IGF2R: variants seen among roughly 807,000 people sequenced by gnomAD.
The protein encoded by IGF2R is insulin like growth factor 2 receptor.
IGF2R carries 91 observed loss-of-function variants against 270.6 expected under a neutral mutation model. The ratio of observed to expected loss-of-function variants is 0.34; its 90% confidence interval spans 0.28 to 0.40. The LOEUF (loss-of-function observed/expected upper bound fraction) is 0.40, where lower values mean the gene tolerates loss of function less well. Ranked by LOEUF, IGF2R falls within the 10% of genes least tolerant of loss-of-function variation. The pLI, the probability that IGF2R is intolerant of heterozygous loss-of-function variation, is 1.00. For synonymous variants in IGF2R, 1,316 were observed against 1,258.9 expected, an observed-to-expected ratio of 1.05 and a Z score of -0.96; for missense variants, 2,805 against 3,188.3, an observed-to-expected ratio of 0.88 and a Z score of 2.90.
rs186553729 is a variant in IGF2R at position 160,030,946 on chromosome 6, A to G, written c.882+1291A>G. On this transcript the variant is annotated intron_variant, in intron 7 of 47. Transcript: ENST00000356956. ...TCAAGCAATCCTCCCACTTCAAGCA[A>G]TCCTCCCACTTCAGCCTTCTGAGTA... Among the ~76,000 whole-genome samples, 810 of 151,954 alleles carry G rather than the reference A, an allele frequency of 5.3e-3. 1 individual carries two copies. Among genetic ancestry groups the G allele is most frequent in the South Asian group, 9.3e-3 (45 of 4,816 alleles).
At position 160,050,493 on chromosome 6, in the gene IGF2R, T is replaced by C; in HGVS notation, c.2535T>C (p.Val845=). The change falls in exon 19 of 48, where the codon GTT becomes GTC. Residue 845 remains valine, a synonymous_variant. Transcript: ENST00000356956. This position sits in a 1 kb window ranked among gnomAD's most constrained non-coding sequence, Gnocchi z 4.0. ...TGCAGGGCTCCTTCACTGAAGTGGT[T>C]TCCATCAGTAACTTGGGAATGGCAA... is the stretch of plus-strand genomic sequence containing the variant. ...EKDQGSFTEV[V]SISNLGMAKT... is the part of the protein sequence containing the mutation. 6.2e-7 allele frequency: 1 copy of C among 1,613,008 alleles called. No individual in the cohort carries two copies.
chr6:160,014,048 A>G lies in IGF2R; in HGVS notation c.513+3263A>G, dbSNP rs75498592. The stretch of plus-strand genomic sequence containing the variant: ...ATTCATTTTGCTCTGTCACATTTAG[A>G]ATGATTTTGATGGGCAAAAATCATG... On this transcript the variant is annotated intron_variant, in intron 4 of 47. Transcript: ENST00000356956. Among the ~76,000 whole-genome samples, 622 of 152,324 alleles carry G rather than the reference A, an allele frequency of 4.1e-3. 4 individuals carry two copies. Among genetic ancestry groups the G allele is most frequent in the African/African-American group, 0.014 (574 of 41,574 alleles).
At chr6:159,984,983 C>A (rs1783860344) in intron 1 of IGF2R, among the ~76,000 whole-genome samples, 1 of 152,180 alleles carries the variant, frequency 6.6e-6, no homozygotes, top group African/African-American at 2.4e-5. Flanking sequence ...AAAACCATAT[C>A]CGAAACCGTA....
In IGF2R at chr6:160,061,864, A is replaced by G. The variant is rs200088387; in HGVS notation, c.3518A>G (p.Asn1173Ser). Residue 1173 changes from asparagine to serine, a missense_variant, in exon 25 of 48, where the codon AAC becomes AGC. Physicochemically the swap from Asn to Ser is conservative, Grantham distance 46 (BLOSUM62 1). Transcript: ENST00000356956. ...ANGSLSIMYVNGDKCGNQRFS... is the reference protein window; with the variant it reads ...ANGSLSIMYVSGDKCGNQRFS... Reference sequence around the variant, plus strand: ...GGATCTTTGAGCATCATGTATGTCAACGGTGACAAGTGTGGGAACCAGCGC... The same window carrying G: ...GGATCTTTGAGCATCATGTATGTCAGCGGTGACAAGTGTGGGAACCAGCGC... 7.4e-6 allele frequency: 12 copies of G among 1,614,042 alleles called. No individual in the cohort carries two copies. Among genetic ancestry groups the G allele is most frequent in the African/African-American group, 2.7e-5 (2 of 74,922 alleles).
Position 160,024,560 on chromosome 6 carries a change from C to T in IGF2R, c.514-12C>T, listed in dbSNP as rs755528264. Reference sequence around the variant, plus strand: ...TATACTGAAGACTCACTTTTTTCTTCCTCCCTTCCAGGTGCCATGCTATGT... The same window carrying T: ...TATACTGAAGACTCACTTTTTTCTTTCTCCCTTCCAGGTGCCATGCTATGT... On this transcript the variant is annotated splice_polypyrimidine_tract_variant and intron_variant, in intron 4 of 47. Transcript: ENST00000356956. 1 of 1,611,000 alleles carries T rather than the reference C, an allele frequency of 6.2e-7. No individual in the cohort carries two copies. Among genetic ancestry groups the T allele is most frequent in the South Asian group, 1.1e-5 (1 of 90,552 alleles).
At position 160,096,441 on chromosome 6, in the gene IGF2R, G is replaced by A. The variant is rs767145572; in HGVS notation, c.6658G>A (p.Gly2220Ser). The A allele has an allele frequency of 5.6e-6, 9 of 1,609,006 alleles. No homozygotes were observed. Among genetic ancestry groups the A allele is most frequent in the Admixed American group, 1.7e-5 (1 of 59,596 alleles). Residue 2220 changes from glycine to serine, a missense_variant and splice_region_variant, in exon 45 of 48, where the codon GGC becomes AGC. This residue lies in a region of IGF2R where 1,851 missense variants were observed against 2,207.2 expected (regional missense o/e 0.84). Coordinates refer to ENST00000356956, the MANE Select transcript of IGF2R (RefSeq NM_000876.4). ...SDKTKYYLQDGDLDVVFASSS... is the reference protein window; with the variant it reads ...SDKTKYYLQDSDLDVVFASSS... ...TGTGTGCCCTTCCCGTTTGACAGAC[G>A]GCGATCTCGATGTCGTGTTTGCCTC...
intron 20 of IGF2R, 92 bp downstream of exon 20, chr6:160,056,617 C>G: frequency 1.2e-6 from 1 of 837,210 alleles, no homozygotes; most frequent in South Asian, 1.3e-5. Context: ...GACCCCTGCC[C>G]CTTCTTTCTG....
At chr6:160,026,139 T>C (rs1218357808) in intron 5 of IGF2R, among the ~76,000 whole-genome samples, 1 of 152,224 alleles carries the variant, frequency 6.6e-6, no homozygotes, top group Non-Finnish European at 1.5e-5. Flanking sequence ...TTGCTGTGTA[T>C]TCTGCCTTTG....
At chr6:160,021,840 A>G (rs1777444645) in intron 4 of IGF2R, among the ~76,000 whole-genome samples, 1 of 152,200 alleles carries the variant, frequency 6.6e-6, no homozygotes, top group Non-Finnish European at 1.5e-5. Flanking sequence ...TCAAAGAACT[A>G]AAAATAGAAC....
intron 4 of IGF2R, among the ~76,000 whole-genome samples, chr6:160,018,079 A>G (rs1295207552): frequency 6.6e-6 from 1 of 152,180 alleles, no homozygotes; most frequent in Non-Finnish European, 1.5e-5. Context: ...GATTTAAAAA[A>G]TAAAAGACAG....
intron 12 of IGF2R, among the ~76,000 whole-genome samples, chr6:160,043,862 C>T (rs1451680739): frequency 3.3e-4 from 50 of 152,288 alleles, no homozygotes; most frequent in Non-Finnish European, 4.4e-5. Context: ...CTGTTAAAAG[C>T]ATTCAATAAG....
At chr6:160,015,772 T>C (rs1271020260) in intron 4 of IGF2R, among the ~76,000 whole-genome samples, 3 of 152,138 alleles carry the variant, frequency 2.0e-5, no homozygotes, top group African/African-American at 7.2e-5. Context: ...TGGTGGAAGG[T>C]GATTAAATCA....
Position 160,056,513 on chromosome 6 carries a change from G to T in IGF2R, c.2784G>T (p.Thr928=). ...CTGCCTGTCCCATTCAGACAACGAC[G>T]GATACAGACCAGGTACGTGTGCTTT... is the stretch of plus-strand genomic sequence containing the variant. The part of the protein sequence containing the change: ...TEAACPIQTT[T]DTDQACSIRD... Residue 928 remains threonine (T), a synonymous_variant, in exon 20 of 48, where the codon ACG becomes ACT. Transcript: ENST00000356956. The T allele has an allele frequency of 2.5e-6, 4 of 1,610,426 alleles. No individual in the cohort carries two copies. Among genetic ancestry groups the T allele is most frequent in the Non-Finnish European group, 2.5e-6 (3 of 1,176,670 alleles).
intron 41 of IGF2R, among the ~76,000 whole-genome samples, chr6:160,086,361 C>G (rs1156500010): frequency 1.3e-5 from 2 of 152,232 alleles, no homozygotes; most frequent in African/African-American, 2.4e-5. Flanking sequence ...GCCAACAAGA[C>G]AGCATCTAAG....
At chr6:160,075,760 T>C (rs1376448284) in intron 35 of IGF2R, 87 bp from the exon 36 acceptor site, 1 of 1,409,756 alleles carries the variant, frequency 7.1e-7, no homozygotes, top group East Asian at 2.3e-5. Context: ...AGGTCTGGTT[T>C]TTGCAATTCT....
intron 2 of IGF2R, 69 bp downstream of exon 2, chr6:159,991,392 A>T (rs550960473): frequency 1.1e-5 from 15 of 1,408,064 alleles, no homozygotes; most frequent in Admixed American, 1.8e-5. Flanking sequence ...ATGACTGTGT[A>T]TAGCTATACG....
rs538063848 is a variant in IGF2R, at chr6:160,068,132, C to G, written c.4116-117C>G. 2.8e-5 allele frequency: 30 copies of G among 1,090,046 alleles called. No individual in the cohort carries two copies. In the South Asian group the frequency reaches 3.4e-4, roughly 12 times the overall value. The allele number at this position is 1,090,046 out of a possible 1,614,324, so 67.5% of individuals were successfully genotyped here. A position where few individuals can be genotyped will look rare whatever the true frequency, so the allele number is the denominator to read the frequency against. On this transcript the variant is annotated intron_variant, in intron 29 of 47. Coordinates refer to ENST00000356956, the MANE Select transcript of IGF2R (RefSeq NM_000876.4). ...TGACAGAGACAGAGAGAAGTCGAGT[C>G]TAAAGTTCTGTCAGGCTTAGACTAT... is the stretch of plus-strand genomic sequence containing the variant.
At chr6:160,026,309 A>G (rs754444513) in intron 5 of IGF2R, among the ~76,000 whole-genome samples, 9 of 152,166 alleles carry the variant, frequency 5.9e-5, no homozygotes, top group Non-Finnish European at 1.2e-4. Context: ...AGGTTTGCTT[A>G]CCTCTTCACT....
At chr6:160,027,133 T>C in intron 5 of IGF2R, 52 bp from the exon 6 acceptor site, 1 of 1,604,664 alleles carries the variant, frequency 6.2e-7, no homozygotes, top group Non-Finnish European at 8.5e-7. Flanking sequence ...AGGGTACGTG[T>C]GATTATCACT....
Sources: allele counts gnomAD v4.1 joint callset (sites outside exome capture counted in the v4.1 genomes callset), GRCh38; gene constraint gnomAD v4.1.1; regional missense constraint gnomAD v4.1.1; non-coding constraint Gnocchi (gnomAD v3.1); transcripts MANE v1.5; gene names NCBI Gene and HGNC (gene_info 2026-07-23, HGNC 2026-07-21).